Variants in FRMD3 observed in about 807,000 individuals in gnomAD.
FRMD3 encodes the protein FERM domain containing 3.
A neutral mutation model predicts 70.2 loss-of-function variants in FRMD3; 33 were observed. The observed-to-expected ratio is 0.47, with a 90% CI of 0.36 to 0.63. The LOEUF (loss-of-function observed/expected upper bound fraction) is 0.63, where lower values mean the gene tolerates loss of function less well. Among genes scored for constraint, FRMD3 ranks in the 20% least tolerant of loss-of-function variants. The probability of loss-of-function intolerance (pLI) is 0.00; values close to 1 mark genes in which losing one functional copy is unlikely to be tolerated. For missense variants in FRMD3, 632 were observed against 711.4 expected, an observed-to-expected ratio of 0.89 and a Z score of 1.27; for synonymous variants, 279 against 255.9, an observed-to-expected ratio of 1.09 and a Z score of -0.86.
intron 3 of FRMD3, among the ~76,000 whole-genome samples, chr9:83,372,350 G>A (rs182673202): frequency 1.5e-5 from 2 of 137,698 alleles, no homozygotes; most frequent in Admixed American, 7.7e-5. Flanking sequence ...AGAGCTCACT[G>A]GTTAAAAAGA....
chr9:83,304,571 T>C (rs74842725), intron 10 of FRMD3, among the ~76,000 whole-genome samples: 602 of 152,334 alleles, frequency 4.0e-3, no homozygotes, highest in Non-Finnish European at 6.8e-3. Context: ...TGACAAAATG[T>C]ACACCAAACT....
upstream of FRMD3, among the ~76,000 whole-genome samples, chr9:83,540,312 A>G (rs1829984946): frequency 6.6e-6 from 1 of 152,316 alleles, no homozygotes; most frequent in African/African-American, 2.4e-5. Flanking sequence ...CCATCCTATT[A>G]TAGTGACCGT....
intron 1 of FRMD3, among the ~76,000 whole-genome samples, chr9:83,518,796 A>C (rs1829508220): frequency 6.6e-6 from 1 of 152,216 alleles, no homozygotes; most frequent in Non-Finnish European, 1.5e-5. Context: ...AAACAGACAT[A>C]TAGACCAATG....
intron 6 of FRMD3, among the ~76,000 whole-genome samples, chr9:83,314,555 C>T (rs991312611): frequency 6.6e-6 from 1 of 152,152 alleles, no homozygotes; most frequent in Non-Finnish European, 1.5e-5. Flanking sequence ...TAACTTCCTT[C>T]CCAAAGACGG....
At chr9:83,549,168 T>C in the FRMD3 span, among the ~76,000 whole-genome samples, 1 of 152,136 alleles carries the variant, frequency 6.6e-6, no homozygotes, top group Non-Finnish European at 1.5e-5. Context: ...TAAGTTCTTA[T>C]CATTTAGCTC....
chr9:83,347,475 A>C (rs1824001172), intron 4 of FRMD3, among the ~76,000 whole-genome samples: 1 of 152,208 alleles, frequency 6.6e-6, no homozygotes, highest in African/African-American at 2.4e-5. Flanking sequence ...AATTAAAATC[A>C]ACATTCTTTT....
At chr9:83,260,979 G>A (rs376690784) in intron 13 of FRMD3, among the ~76,000 whole-genome samples, 3 of 152,056 alleles carry the variant, frequency 2.0e-5, no homozygotes, top group African/African-American at 7.2e-5. Flanking sequence ...CACTGCAGAA[G>A]ATCTAATACT....
chr9:83,575,667 C>T, the FRMD3 span, among the ~76,000 whole-genome samples: 11 of 152,096 alleles, frequency 7.2e-5, 4 homozygotes, highest in Admixed American at 6.6e-4. Flanking sequence ...CAAATAAATT[C>T]CTAAAAAGAT....
chr9:83,329,757 A>C (rs2131120635), intron 6 of FRMD3, among the ~76,000 whole-genome samples: 1 of 152,342 alleles, frequency 6.6e-6, no homozygotes, highest in East Asian at 1.9e-4. Context: ...TACTTCATCA[A>C]AACTGCTTTA....
the FRMD3 span, among the ~76,000 whole-genome samples, chr9:83,577,703 C>T: frequency 1.3e-5 from 2 of 151,984 alleles, no homozygotes; most frequent in African/African-American, 4.8e-5. Flanking sequence ...AAGAACTGGA[C>T]TTTATTGTTT....
At chr9:83,265,233 T>C (rs1246382570) in intron 13 of FRMD3, among the ~76,000 whole-genome samples, 1 of 151,778 alleles carries the variant, frequency 6.6e-6, no homozygotes, top group Admixed American at 6.6e-5. Context: ...ACCCCGTCTC[T>C]ACTAAAAATA....
intron 6 of FRMD3, chr9:83,331,751 TA>T (rs1309359289): frequency 1.5e-6 from 1 of 660,920 alleles, no homozygotes; most frequent in Non-Finnish European, 2.8e-6. Context: ...ACATCTCTTT[TA>T]AAAAATAAAG....
rs1436264614 is a variant in FRMD3, at chr9:83,357,238, AATACATACATATAT to A, written c.296-7495_296-7482del. On this transcript the variant is annotated intron_variant, in intron 3 of 13. Transcript: ENST00000304195. ...GAATATATATATTTTATATATATAT[AATACATACATATAT>A]ATATATATATATATATATATATATA... Among the ~76,000 whole-genome samples, 37 of 4,000 alleles carry A rather than the reference AATACATACATATAT, an allele frequency of 9.2e-3. 5 individuals carry two copies. Among genetic ancestry groups the A allele is most frequent in the East Asian group, 0.052 (5 of 96 alleles). The allele number at this position is 4,000 out of a possible 152,430, so 2.6% of individuals were successfully genotyped here. A position where few individuals can be genotyped will look rare whatever the true frequency, so the allele number is the denominator to read the frequency against.
chr9:83,508,745 C>T (rs1283890849), intron 1 of FRMD3, among the ~76,000 whole-genome samples: 3 of 152,158 alleles, frequency 2.0e-5, no homozygotes, highest in South Asian at 2.1e-4. Context: ...AACTGCAGCA[C>T]GTGCCCAATC....
chr9:83,442,675 C>T (rs1564079446), intron 1 of FRMD3, among the ~76,000 whole-genome samples: 1 of 151,966 alleles, frequency 6.6e-6, no homozygotes, highest in Non-Finnish European at 1.5e-5. Context: ...CCACGACCAC[C>T]CCACCCCCAA....
At chr9:83,295,938 G>T (rs116664816) in intron 12 of FRMD3, among the ~76,000 whole-genome samples, 2,780 of 152,290 alleles carry the variant, frequency 0.018, 79 homozygotes, top group African/African-American at 0.063. Context: ...AAAATTCCAA[G>T]AAAGTGTTCT....
At chr9:83,273,667 G>T (rs7034332) in intron 13 of FRMD3, among the ~76,000 whole-genome samples, 29,888 of 137,886 alleles carry the variant, frequency 0.22, 3,575 homozygotes, top group African/African-American at 0.35. Context: ...CTGTTACAAA[G>T]AATGCATACA....
rs936863507 is a variant in FRMD3, at chr9:83,245,081, G to A, written c.*2837C>T. On this transcript the variant is annotated 3_prime_UTR_variant, in exon 14 of 14. Coordinates refer to ENST00000304195, the MANE Select transcript of FRMD3 (RefSeq NM_174938.6). ...GGGTTTTACCCACCATAGTATCTGA[G>A]AGGGAGAAGAACCAATAATACATCT... 1.0e-6 allele frequency: 1 copy of A among 985,326 alleles called. No individual in the cohort carries two copies. The highest frequency in any genetic ancestry group is 1.2e-6 in the Non-Finnish European group (1 of 829,870). 61.0% of individuals were successfully genotyped at this position (985,326 alleles called of 1,614,324 possible).
intron 1 of FRMD3, among the ~76,000 whole-genome samples, chr9:83,404,407 T>A (rs928060634): frequency 2.0e-5 from 3 of 152,300 alleles, no homozygotes; most frequent in African/African-American, 7.2e-5. Flanking sequence ...AGCAGCTTCC[T>A]GAAGGAAGGA....
Sources: gnomAD v4.1 joint callset for allele counts (sites outside exome capture counted in the v4.1 genomes callset) on GRCh38, gnomAD v4.1.1 for gene constraint, MANE v1.5 for transcripts, NCBI Gene and HGNC (gene_info 2026-07-23, HGNC 2026-07-21) for gene names.